NECTIN3: variants seen among roughly 807,000 people sequenced by gnomAD.
The protein encoded by NECTIN3 is nectin cell adhesion molecule 3.
Under a neutral mutation model 49.4 loss-of-function variants are expected in NECTIN3, and 8 were observed. The ratio of observed to expected loss-of-function variants is 0.16; its 90% CI spans 0.10 to 0.29. NECTIN3 has a LOEUF of 0.29. Among genes scored for constraint, NECTIN3 ranks in the 10% least tolerant of loss-of-function variants. The pLI is 1.00. For synonymous variants in NECTIN3, 277 were observed against 241.1 expected (o/e 1.15, Z -1.38); for missense variants, 581 against 654.6 (o/e 0.89, Z 1.23).
chr3:111,134,601 T>TTGTTTAACATA lies in NECTIN3; in HGVS notation c.*388_*398dup. 3.2e-6 allele frequency: 3 copies of TTGTTTAACATA among 927,596 alleles called. No homozygotes were observed. Among genetic ancestry groups the TTGTTTAACATA allele is most frequent in the Non-Finnish European group, 3.9e-6 (3 of 777,044 alleles). The allele number at this position is 927,596 out of a possible 1,614,324, so 57.5% of individuals were successfully genotyped here. A position where few individuals can be genotyped will look rare whatever the true frequency, so the allele number is the denominator to read the frequency against. The stretch of plus-strand genomic sequence containing the variant: ...AAGACTATAATCTCAAGTATGATGT[T>TTGTTTAACATA]TGTTTAACATATACCTCTCAAAATT... On this transcript the variant is annotated 3_prime_UTR_variant, in exon 6 of 6. Transcript: ENST00000485303.
At chr3:111,105,122 C>G (rs934837469) in intron 1 of NECTIN3, among the ~76,000 whole-genome samples, 70 of 148,632 alleles carry the variant, frequency 4.7e-4, no homozygotes, top group African/African-American at 1.6e-3. Context: ...TTTTTGTTTT[C>G]TTTTCTTTTT....
intron 7 of NECTIN3, among the ~76,000 whole-genome samples, chr3:111,170,270 A>C (rs747011966): frequency 2.0e-5 from 3 of 152,186 alleles, no homozygotes; most frequent in African/African-American, 7.2e-5. Flanking sequence ...GCTTTTATTG[A>C]ATTACTATAT....
intron 7 of NECTIN3, among the ~76,000 whole-genome samples, chr3:111,168,462 G>A (rs1239974256): frequency 7.8e-6 from 1 of 128,528 alleles, no homozygotes; most frequent in Non-Finnish European, 1.5e-5. Context: ...ATATGTGTGT[G>A]CATATATATA....
intron 1 of NECTIN3, among the ~76,000 whole-genome samples, chr3:111,105,424 C>T (rs1413703247): frequency 1.3e-5 from 2 of 152,150 alleles, no homozygotes; most frequent in African/African-American, 4.8e-5. Context: ...TGAGCCACTG[C>T]ACCCAGCCCT....
chr3:111,160,588 C>T (rs1328443829), intron 7 of NECTIN3, among the ~76,000 whole-genome samples: 3 of 152,036 alleles, frequency 2.0e-5, no homozygotes, highest in Non-Finnish European at 4.4e-5. Flanking sequence ...TTTTTTTTAA[C>T]TTTATGTATT....
intron 1 of NECTIN3, among the ~76,000 whole-genome samples, chr3:111,085,060 G>A (rs1344331008): frequency 2.0e-5 from 3 of 152,176 alleles, no homozygotes; most frequent in Admixed American, 6.5e-5. Context: ...GCCTACTGCT[G>A]CATTATTACA....
intron 4 of NECTIN3, 103 bp downstream of exon 4, chr3:111,122,341 G>A (rs1576130761): frequency 2.5e-6 from 2 of 805,752 alleles, no homozygotes; most frequent in South Asian, 2.3e-5. Flanking sequence ...TATAGTAATA[G>A]CAGAAAATTT....
intron 1 of NECTIN3, chr3:111,193,203 G>A: frequency 2.0e-6 from 3 of 1,535,126 alleles, no homozygotes; most frequent in Non-Finnish European, 1.7e-6. Context: ...TTTTTAGAAT[G>A]GACTAAATAG....
chr3:111,072,719 C>T (rs1247481664), intron 1 of NECTIN3: 6 of 811,018 alleles, frequency 7.4e-6, no homozygotes, highest in Non-Finnish European at 9.5e-6. Flanking sequence ...GTGCCCACTC[C>T]CCCGGCTCTG....
chr3:111,090,929 A>C (rs1179058076), intron 1 of NECTIN3, among the ~76,000 whole-genome samples: 1 of 140,134 alleles, frequency 7.1e-6, no homozygotes, highest in Non-Finnish European at 1.6e-5. Context: ...CATTAGTGCT[A>C]GTGTGTGTGT....
downstream of NECTIN3, among the ~76,000 whole-genome samples, chr3:111,140,489 A>G (rs751357525): frequency 7.5e-5 from 11 of 146,118 alleles, no homozygotes; most frequent in Non-Finnish European, 1.2e-4. Flanking sequence ...TACCAGTATT[A>G]TTAGTCTTAT....
rs2033941199 is a variant in NECTIN3 at position 111,121,262 on chromosome 3, C to G, written c.800-859C>G. On this transcript the variant is annotated intron_variant, in intron 3 of 5. Coordinates refer to ENST00000485303, the MANE Select transcript of NECTIN3 (RefSeq NM_015480.3). ...TCTCCTGACCTCATGATCCTCCCGCCTCAGCTTCCCAAAGTGCTGGGATTA... is the reference window on the plus strand; with the variant it reads ...TCTCCTGACCTCATGATCCTCCCGCGTCAGCTTCCCAAAGTGCTGGGATTA... 2.0e-5 allele frequency among the ~76,000 whole-genome samples: 3 copies of G among 151,826 alleles called. No individual in the cohort carries two copies. In the South Asian group the frequency reaches 6.2e-4, roughly 31 times the overall value.
intron 1 of NECTIN3, among the ~76,000 whole-genome samples, chr3:111,078,395 G>C (rs758306115): frequency 2.6e-5 from 4 of 152,032 alleles, no homozygotes; most frequent in African/African-American, 4.8e-5. Context: ...CTTTGTTAAA[G>C]TGTTTCTGTG....
chr3:111,112,127 A>T lies in NECTIN3; in HGVS notation c.258A>T (p.Ile86=). The T allele has an allele frequency of 1.9e-6, 3 of 1,613,656 alleles. No homozygotes were observed. The South Asian group carries it at 3.3e-5, about 18-fold the overall frequency. The change falls in exon 2 of 6, where the codon ATA becomes ATT. Residue 86 remains isoleucine, a synonymous_variant. Coordinates refer to ENST00000485303, the MANE Select transcript of NECTIN3 (RefSeq NM_015480.3). The part of the protein sequence containing the change: ...LKCLIEVNET[I]TQISWEKIHG... Reference sequence around the variant, plus strand: ...GTTTAATTGAAGTAAATGAAACCATAACACAGATTTCATGGGAGAAGATAC... The same window carrying T: ...GTTTAATTGAAGTAAATGAAACCATTACACAGATTTCATGGGAGAAGATAC...
intron 7 of NECTIN3, among the ~76,000 whole-genome samples, chr3:111,148,771 A>G (rs2034936087): frequency 6.6e-6 from 1 of 150,944 alleles, no homozygotes; most frequent in South Asian, 2.1e-4. Context: ...TTTTTTAGGA[A>G]CTCTTTGATG....
intron 1 of NECTIN3, among the ~76,000 whole-genome samples, chr3:111,077,805 G>C (rs2031323633): frequency 6.6e-6 from 1 of 152,148 alleles, no homozygotes; most frequent in Non-Finnish European, 1.5e-5. Context: ...TGCTTGGCAT[G>C]TAGTAGGCAC....
Position 111,136,671 on chromosome 3 carries a change from T to C in NECTIN3, c.*2456T>C, listed in dbSNP as rs920556963. 3.3e-6 allele frequency: 3 copies of C among 909,804 alleles called. No individual in the cohort carries two copies. The African/African-American group carries it at 5.4e-5, about 16-fold the overall frequency. 56.4% of individuals were successfully genotyped at this position (909,804 alleles called of 1,614,324 possible). A position where few individuals can be genotyped will look rare whatever the true frequency, so the allele number is the denominator to read the frequency against. On this transcript the variant is annotated 3_prime_UTR_variant, in exon 6 of 6. Transcript: ENST00000485303. ...ACAGGTATATATGAAAATTCTACTA[T>C]CGTGAAAAAAAATGAATATTTGTAC...
Position 111,072,022 on chromosome 3 carries a change from C to A in NECTIN3, c.5C>A (p.Ala2Glu). The A allele has an allele frequency of 3.3e-6, 5 of 1,523,900 alleles. No homozygotes were observed. Among genetic ancestry groups the A allele is most frequent in the Non-Finnish European group, 4.4e-6 (5 of 1,135,688 alleles). 94.4% of individuals were successfully genotyped at this position (1,523,900 alleles called of 1,614,324 possible). Residue 2 changes from alanine to glutamate, a missense_variant, in exon 1 of 6, where the codon GCG becomes GAG. By Grantham distance (107) the Ala-to-Glu change is moderately radical. This residue lies in a region of NECTIN3 where 109 missense variants were observed against 69.1 expected (regional missense o/e 1.58). Coordinates refer to ENST00000485303, the MANE Select transcript of NECTIN3 (RefSeq NM_015480.3). Reference sequence around the variant, plus strand: ...GGGCCGGGGGGAGGGTGGGGGATGGCGCGGACCCTGCGGCCGTCCCCGCTG... The same window carrying A: ...GGGCCGGGGGGAGGGTGGGGGATGGAGCGGACCCTGCGGCCGTCCCCGCTG... M[A>E]RTLRPSPLCP...
chr3:111,124,991 G>A (rs569428927), intron 4 of NECTIN3, among the ~76,000 whole-genome samples: 4 of 144,296 alleles, frequency 2.8e-5, no homozygotes, highest in African/African-American at 7.6e-5. Context: ...GAGCACCTAG[G>A]TTTACTTGAC....
Sources: allele counts gnomAD v4.1 joint callset (sites outside exome capture counted in the v4.1 genomes callset), GRCh38; gene constraint gnomAD v4.1.1; regional missense constraint gnomAD v4.1.1; transcripts MANE v1.5; gene names NCBI Gene and HGNC (gene_info 2026-07-23, HGNC 2026-07-21).